The following ERC2 variants were observed in gnomAD, a reference collection of about 807,000 sequenced individuals.
ERC2 encodes ERC protein 2.
A neutral mutation model predicts 114.8 loss-of-function variants in ERC2; 42 were observed. The ratio of observed to expected loss-of-function variants is 0.37; its 90% CI spans 0.29 to 0.47. ERC2 has a LOEUF of 0.47. Ranked by LOEUF, ERC2 falls within the 20% of genes least tolerant of loss-of-function variation. The pLI, the probability that ERC2 is intolerant of heterozygous loss-of-function variation, is 0.99. For missense variants in ERC2, 939 were observed against 1,150.7 expected (o/e 0.82, Z 2.66); for synonymous variants, 454 against 425.5 (o/e 1.07, Z -0.82).
chr3:55,999,969 T>A (rs1478681109), intron 10 of ERC2, among the ~76,000 whole-genome samples: 1 of 151,726 alleles, frequency 6.6e-6, no homozygotes, highest in Non-Finnish European at 1.5e-5. Flanking sequence ...TTACTAGATA[T>A]TTAAAAATAT....
intron 17 of ERC2, among the ~76,000 whole-genome samples, chr3:55,540,547 CT>C (rs2054324474): frequency 6.6e-6 from 1 of 152,216 alleles, no homozygotes. Context: ...AGCTCAGCCA[CT>C]GAGTTGCTCT....
At chr3:56,407,579 C>A (rs973093032) in intron 2 of ERC2, among the ~76,000 whole-genome samples, 2 of 152,198 alleles carry the variant, frequency 1.3e-5, no homozygotes, top group Non-Finnish European at 2.9e-5. Flanking sequence ...ATTGTACACA[C>A]ACACATCACC....
chr3:56,214,437 T>C (rs554127685), intron 3 of ERC2, among the ~76,000 whole-genome samples: 1 of 152,022 alleles, frequency 6.6e-6, no homozygotes, highest in African/African-American at 2.4e-5. Context: ...AAGAGAAGTT[T>C]AGAGAAAAAA....
At chr3:56,046,360 G>C (rs187490857) in intron 7 of ERC2, among the ~76,000 whole-genome samples, 86 of 152,264 alleles carry the variant, frequency 5.6e-4, no homozygotes, top group Middle Eastern at 3.4e-3. Flanking sequence ...GGGTGAGAAG[G>C]GTTGGCGAGT....
At chr3:56,192,448 C>T (rs76208515) in intron 3 of ERC2, among the ~76,000 whole-genome samples, 2,180 of 152,204 alleles carry the variant, frequency 0.014, 57 homozygotes, top group African/African-American at 0.049. Flanking sequence ...TATTTCTACT[C>T]GATAGTGTTC....
At chr3:55,537,937 T>C (rs1341646420) in intron 17 of ERC2, among the ~76,000 whole-genome samples, 1 of 152,158 alleles carries the variant, frequency 6.6e-6, no homozygotes, top group East Asian at 1.9e-4. Flanking sequence ...CTTCCCCCAA[T>C]TGCGGACGAG....
chr3:56,372,199 C>T (rs187612999), intron 2 of ERC2, among the ~76,000 whole-genome samples: 1 of 152,344 alleles, frequency 6.6e-6, no homozygotes, highest in African/African-American at 2.4e-5. Flanking sequence ...CTTATATTCT[C>T]ACATTCCCAC....
intron 3 of ERC2, among the ~76,000 whole-genome samples, chr3:56,250,662 T>C (rs1184382604): frequency 6.6e-6 from 1 of 152,196 alleles, no homozygotes; most frequent in East Asian, 1.9e-4. Context: ...CCCCTCATTA[T>C]ATATTTTAAA....
intron 7 of ERC2, among the ~76,000 whole-genome samples, chr3:56,045,630 T>C (rs1158381507): frequency 6.6e-6 from 1 of 152,154 alleles, no homozygotes; most frequent in Non-Finnish European, 1.5e-5. Flanking sequence ...ACCTTTAAAA[T>C]TTATATCAAA....
At chr3:55,897,644 G>A (rs960860304) in intron 13 of ERC2, among the ~76,000 whole-genome samples, 46 of 152,192 alleles carry the variant, frequency 3.0e-4, no homozygotes, top group African/African-American at 9.9e-4. Context: ...AGAAGGTGAA[G>A]ATAAACGCTT....
At chr3:55,595,162 C>T (rs115365367) in intron 17 of ERC2, among the ~76,000 whole-genome samples, 445 of 152,234 alleles carry the variant, frequency 2.9e-3, no homozygotes, top group African/African-American at 0.01. Context: ...CTTAGAAGGA[C>T]CCAGCAGTTT....
chr3:56,068,020 C>A (rs1165175974), intron 7 of ERC2, among the ~76,000 whole-genome samples: 1 of 152,058 alleles, frequency 6.6e-6, no homozygotes, highest in Admixed American at 6.6e-5. Flanking sequence ...TGTGTCTCTG[C>A]CAGATTTTGG....
intron 17 of ERC2, among the ~76,000 whole-genome samples, chr3:55,541,288 G>C (rs1233468146): frequency 6.6e-6 from 1 of 152,110 alleles, no homozygotes; most frequent in Non-Finnish European, 1.5e-5. Context: ...TAAAAATTAA[G>C]ATGACAAACA....
intron 12 of ERC2, among the ~76,000 whole-genome samples, chr3:55,980,493 G>A (rs924920157): frequency 2.0e-5 from 3 of 152,144 alleles, no homozygotes; most frequent in Non-Finnish European, 4.4e-5. Flanking sequence ...ACCTGAGCTA[G>A]TATTGTGCAT....
chr3:55,820,523 A>G (rs76934414), intron 14 of ERC2, among the ~76,000 whole-genome samples: 4,332 of 152,300 alleles, frequency 0.028, 93 homozygotes, highest in Middle Eastern at 0.099. Context: ...CTGAGCACTT[A>G]TGGTGTCTGA....
chr3:55,663,794 T>C (rs577721944), intron 17 of ERC2, among the ~76,000 whole-genome samples: 2 of 152,360 alleles, frequency 1.3e-5, no homozygotes, highest in Admixed American at 6.5e-5. Flanking sequence ...TAAATAAATA[T>C]ATAAAGCAAA....
At chr3:55,862,236 C>A (rs1421066425) in intron 14 of ERC2, among the ~76,000 whole-genome samples, 1 of 152,032 alleles carries the variant, frequency 6.6e-6, no homozygotes, top group Non-Finnish European at 1.5e-5. Context: ...GAGTGGCAAG[C>A]TCTATGGGCT....
intron 16 of ERC2, among the ~76,000 whole-genome samples, 192 bp from the exon 17 acceptor site, chr3:55,684,051 C>A (rs72873521): frequency 1.3e-5 from 2 of 152,100 alleles, no homozygotes; most frequent in African/African-American, 4.8e-5. Flanking sequence ...AATACATAAC[C>A]GGGTTTTGTA....
At chr3:55,921,400 C>A (rs1257385164) in intron 13 of ERC2, among the ~76,000 whole-genome samples, 4 of 152,092 alleles carry the variant, frequency 2.6e-5, no homozygotes, top group African/African-American at 9.7e-5. Flanking sequence ...ACTCCTCATT[C>A]ATTTCTTTGA....
Sources: allele counts gnomAD v4.1 joint callset (sites outside exome capture counted in the v4.1 genomes callset), GRCh38; gene constraint gnomAD v4.1.1; transcripts MANE v1.5; gene names NCBI Gene and HGNC (gene_info 2026-07-23, HGNC 2026-07-21).